The following DMD variants were observed in gnomAD, a reference collection of about 807,000 sequenced individuals.
The protein encoded by DMD is dystrophin.
Under a neutral mutation model 330.1 loss-of-function variants are expected in DMD, and 63 were observed. That is an observed-to-expected ratio of 0.19 (90% CI 0.16 to 0.24). The LOEUF (loss-of-function observed/expected upper bound fraction) is 0.24. Among genes scored for constraint, DMD ranks in the 10% least tolerant of loss-of-function variants. The pLI, the probability that DMD is intolerant of heterozygous loss-of-function variation, is 1.00. For synonymous variants in DMD, 1,223 were observed against 959.8 expected, an observed-to-expected ratio of 1.27 and a Z score of -5.07; for missense variants, 3,344 against 2,684.1, an observed-to-expected ratio of 1.25 and a Z score of -5.43.
At chrX:32,903,734 A>C (rs2086505033) in intron 2 of DMD, among the ~76,000 whole-genome samples, 1 of 112,072 alleles carries the variant, frequency 8.9e-6, no homozygotes, top group Non-Finnish European at 1.9e-5. Context: ...ACTAAACTGC[A>C]CTGGATTTCT....
intron 7 of DMD, among the ~76,000 whole-genome samples, chrX:32,744,010 T>C (rs2069652324): frequency 9.0e-6 from 1 of 111,078 alleles, no homozygotes; most frequent in African/African-American, 3.3e-5. Context: ...TGTGGTGATT[T>C]AGCTAGACTA....
At chrX:31,368,983 C>T (rs541968944) in intron 60 of DMD, among the ~76,000 whole-genome samples, 1 of 111,612 alleles carries the variant, frequency 9.0e-6, no homozygotes, top group Non-Finnish European at 1.9e-5. Flanking sequence ...GGTAACCCCT[C>T]ACTACAAAGC....
At chrX:32,463,269 A>G (rs1339501353) in intron 25 of DMD, among the ~76,000 whole-genome samples, 170 bp downstream of exon 25, 4 of 112,204 alleles carry the variant, frequency 3.6e-5, no homozygotes, top group Non-Finnish European at 7.5e-5. Flanking sequence ...AATATATACC[A>G]TGAAAATATT....
chrX:32,145,233 G>A (rs951185155), intron 44 of DMD, among the ~76,000 whole-genome samples: 1 of 112,375 alleles, frequency 8.9e-6, no homozygotes, highest in Non-Finnish European at 1.9e-5. Context: ...TTTGCTGGAA[G>A]TGTTTTTGTT....
At chrX:32,552,999 G>A (rs150400322) in intron 16 of DMD, among the ~76,000 whole-genome samples, 1,477 of 111,837 alleles carry the variant, frequency 0.013, 25 homozygotes, top group African/African-American at 0.046. Context: ...ACCGTGGAAA[G>A]CAGTTTGGTG....
At chrX:33,041,282 G>A (rs926781904) in intron 1 of DMD, 70 of 737,544 alleles carry the variant, frequency 9.5e-5, no homozygotes, top group Non-Finnish European at 1.4e-4. Flanking sequence ...AAGTGGCCGC[G>A]CAGCCTGCGC....
At chrX:32,971,786 C>T (rs1211248409) in intron 2 of DMD, among the ~76,000 whole-genome samples, 1 of 110,688 alleles carries the variant, frequency 9.0e-6, no homozygotes, top group East Asian at 2.8e-4. Flanking sequence ...TGTGTGCACA[C>T]ATCCATATAT....
At chrX:31,926,427 C>T (rs1243521690) in intron 47 of DMD, among the ~76,000 whole-genome samples, 1 of 111,212 alleles carries the variant, frequency 9.0e-6, no homozygotes, top group African/African-American at 3.3e-5. Flanking sequence ...CTGTAATCCC[C>T]GCACTTTCGG....
intron 1 of DMD, among the ~76,000 whole-genome samples, chrX:33,297,323 T>A (rs2062469718): frequency 9.0e-6 from 1 of 110,970 alleles, no homozygotes; most frequent in Non-Finnish European, 1.9e-5. Context: ...TGTCTCATTG[T>A]ATCTTTAAAA....
At chrX:32,105,948 G>C (rs2096562224) in intron 44 of DMD, among the ~76,000 whole-genome samples, 1 of 111,728 alleles carries the variant, frequency 9.0e-6, no homozygotes, top group South Asian at 3.7e-4. Flanking sequence ...TTTTTCTCCC[G>C]AAATAATGTT....
At chrX:32,133,012 T>C (rs2096706417) in intron 44 of DMD, among the ~76,000 whole-genome samples, 2 of 88,141 alleles carry the variant, frequency 2.3e-5, no homozygotes, top group Non-Finnish European at 4.2e-5. Context: ...TTTTTTTTTT[T>C]TTTTTTTTTT....
At chrX:31,677,532 C>T (rs187492721) in intron 53 of DMD, among the ~76,000 whole-genome samples, 131 of 112,271 alleles carry the variant, frequency 1.2e-3, no homozygotes, top group African/African-American at 3.8e-3. Flanking sequence ...GACTACCTCA[C>T]GAATATGACT....
intron 2 of DMD, among the ~76,000 whole-genome samples, chrX:32,879,934 T>A (rs1027460678): frequency 5.4e-5 from 6 of 111,543 alleles, no homozygotes; most frequent in Non-Finnish European, 1.9e-5. Flanking sequence ...CCCATTTGAA[T>A]AGACATTAGC....
intron 2 of DMD, among the ~76,000 whole-genome samples, chrX:32,875,418 G>A (rs891363960): frequency 8.9e-6 from 1 of 111,942 alleles, no homozygotes; most frequent in African/African-American, 3.2e-5. Flanking sequence ...GAAACTCTAT[G>A]CAAAGTGTTT....
At chrX:33,032,062 C>T (rs1238010379) in intron 1 of DMD, among the ~76,000 whole-genome samples, 1 of 111,881 alleles carries the variant, frequency 8.9e-6, no homozygotes, top group Non-Finnish European at 1.9e-5. Flanking sequence ...TTTTCTTCCT[C>T]CTTTCCACTT....
chrX:32,563,748 G>A (rs984774157), intron 16 of DMD, among the ~76,000 whole-genome samples: 2 of 111,990 alleles, frequency 1.8e-5, no homozygotes, highest in Non-Finnish European at 3.8e-5. Context: ...CCCATTCCAA[G>A]GGAATGAGCA....
intron 59 of DMD, among the ~76,000 whole-genome samples, chrX:31,452,081 G>A (rs2065798028): frequency 9.2e-6 from 1 of 108,907 alleles, no homozygotes; most frequent in Non-Finnish European, 1.9e-5. Context: ...ACTTAAGAAA[G>A]GTTAAAGTCA....
intron 60 of DMD, among the ~76,000 whole-genome samples, chrX:31,443,431 G>A (rs902816422): frequency 7.2e-5 from 8 of 111,644 alleles, no homozygotes; most frequent in African/African-American, 2.3e-4. Context: ...AACATCAAGA[G>A]CTAGAATTTG....
At chrX:32,510,619 T>A (rs893385744) in intron 18 of DMD, among the ~76,000 whole-genome samples, 1 of 111,536 alleles carries the variant, frequency 9.0e-6, no homozygotes. Flanking sequence ...TATTTTAGCG[T>A]AACGCGTCCA....
Sources: allele counts gnomAD v4.1 joint callset (sites outside exome capture counted in the v4.1 genomes callset), GRCh38; gene constraint gnomAD v4.1.1; transcripts MANE v1.5; gene names NCBI Gene and HGNC (gene_info 2026-07-23, HGNC 2026-07-21).